The following LINGO2 variants were observed in gnomAD, a reference collection of about 807,000 sequenced individuals.
LINGO2 encodes leucine-rich repeat and immunoglobulin-like domain-containing nogo receptor-interacting protein 2.
LINGO2 carries 14 observed loss-of-function variants against 30.6 expected under a neutral mutation model. The observed-to-expected ratio is 0.46, with a 90% CI of 0.30 to 0.72. LINGO2 has a LOEUF of 0.72. Among genes scored for constraint, LINGO2 ranks in the 30% least tolerant of loss-of-function variants. The pLI is 0.07. For synonymous variants in LINGO2, 317 were observed against 288.5 expected, an observed-to-expected ratio of 1.10 and a Z score of -1.00; for missense variants, 729 against 751.7, an observed-to-expected ratio of 0.97 and a Z score of 0.35.
intron 5 of LINGO2, among the ~76,000 whole-genome samples, chr9:27,967,120 T>C (rs953486259): frequency 2.6e-5 from 4 of 152,174 alleles, no homozygotes; most frequent in African/African-American, 4.8e-5. Context: ...TCAGACAAGA[T>C]AGCTGTCTTA....
At chr9:28,146,690 G>A (rs1827822709) in intron 4 of LINGO2, among the ~76,000 whole-genome samples, 5 of 152,186 alleles carry the variant, frequency 3.3e-5, no homozygotes, top group Admixed American at 2.6e-4. Flanking sequence ...ACACCCAAGA[G>A]TATGTCCCTC....
chr9:28,725,592 C>A, the LINGO2 span, among the ~76,000 whole-genome samples: 2 of 149,004 alleles, frequency 1.3e-5, no homozygotes, highest in Non-Finnish European at 3.0e-5. Context: ...AAGAAAATGG[C>A]CTGTGACAAC....
chr9:29,150,020 G>T, the LINGO2 span, among the ~76,000 whole-genome samples: 3 of 152,144 alleles, frequency 2.0e-5, no homozygotes, highest in Non-Finnish European at 4.4e-5. Context: ...TGGTAAAGGG[G>T]TTGTATCTCC....
At chr9:28,933,513 A>G in the LINGO2 span, among the ~76,000 whole-genome samples, 4 of 68,624 alleles carry the variant, frequency 5.8e-5, no homozygotes, top group African/African-American at 1.9e-4. Context: ...GGAGAAGACA[A>G]TATAGAATAT....
At chr9:28,319,878 G>A (rs1824976520) in intron 3 of LINGO2, among the ~76,000 whole-genome samples, 1 of 152,066 alleles carries the variant, frequency 6.6e-6, no homozygotes. Context: ...CAAGAAAACT[G>A]ATTGAAAACA....
intron 1 of LINGO2, among the ~76,000 whole-genome samples, chr9:28,543,823 G>T (rs994859692): frequency 6.6e-6 from 1 of 151,994 alleles, no homozygotes. Context: ...AAAGGAGGGG[G>T]TTAGAAGGCA....
intron 4 of LINGO2, among the ~76,000 whole-genome samples, chr9:28,088,647 T>C (rs977021404): frequency 6.6e-5 from 10 of 152,134 alleles, no homozygotes; most frequent in African/African-American, 2.4e-4. Flanking sequence ...ATGAAGAAAC[T>C]GTATCAACTA....
rs71304830 is a variant in LINGO2, at chr9:28,003,386, T to TAG, written c.-36+8967_-36+8968dup. 3.0e-5 allele frequency among the ~76,000 whole-genome samples: 4 copies of TAG among 134,870 alleles called. No homozygotes were observed. The South Asian group carries it at 6.8e-4, about 23-fold the overall frequency. The allele number at this position is 134,870 out of a possible 152,430, so 88.5% of individuals were successfully genotyped here. ...AGATAGATAGATAGATAGATAGATA[T>TAG]AGAGAGAGAGAGAGTTAGAGAGTTC... On this transcript the variant is annotated intron_variant, in intron 5 of 5. Coordinates refer to ENST00000379992, the Ensembl canonical transcript of LINGO2.
At chr9:28,020,694 G>A (rs567262696) in intron 4 of LINGO2, among the ~76,000 whole-genome samples, 35 of 152,284 alleles carry the variant, frequency 2.3e-4, no homozygotes, top group African/African-American at 7.5e-4. Context: ...TTTTTTGAAA[G>A]GTAATTATTG....
At chr9:28,397,543 CT>C (rs386414751) in intron 2 of LINGO2, among the ~76,000 whole-genome samples, 2,349 of 109,986 alleles carry the variant, frequency 0.021, 18 homozygotes, top group East Asian at 0.15. Context: ...CAATAGATGT[CT>C]TTTTTTTTTT....
intron 1 of LINGO2, among the ~76,000 whole-genome samples, chr9:28,495,950 T>A (rs991891788): frequency 6.6e-6 from 1 of 152,156 alleles, no homozygotes; most frequent in African/African-American, 2.4e-5. Context: ...TTGTTCAGTT[T>A]CCATGTAGTT....
intron 4 of LINGO2, among the ~76,000 whole-genome samples, chr9:28,040,011 A>G (rs190074656): frequency 5.3e-5 from 8 of 152,270 alleles, no homozygotes; most frequent in South Asian, 2.1e-4. Context: ...GCTTGAGTCC[A>G]TGTGCTAATC....
chr9:28,359,011 T>C (rs1318935433), intron 3 of LINGO2, among the ~76,000 whole-genome samples: 3 of 152,096 alleles, frequency 2.0e-5, no homozygotes, highest in Admixed American at 6.6e-5. Flanking sequence ...ACCAGAGAGA[T>C]TGAGGAGAAT....
At chr9:28,553,146 G>C (rs1434804753) in intron 1 of LINGO2, among the ~76,000 whole-genome samples, 6 of 152,200 alleles carry the variant, frequency 3.9e-5, no homozygotes, top group Admixed American at 3.9e-4. Flanking sequence ...AAGCTGGATG[G>C]AGAATGACTT....
intron 1 of LINGO2, among the ~76,000 whole-genome samples, chr9:28,622,281 T>C (rs976050404): frequency 1.2e-4 from 18 of 152,046 alleles, no homozygotes; most frequent in African/African-American, 4.3e-4. Flanking sequence ...CTATTAACCA[T>C]CCCAACTTCC....
chr9:29,107,793 G>T, the LINGO2 span, among the ~76,000 whole-genome samples: 11 of 151,946 alleles, frequency 7.2e-5, no homozygotes, highest in African/African-American at 2.7e-4. Context: ...TCATTGCAAT[G>T]TCTCTCTTGA....
At chr9:28,544,955 A>T (rs1821865780) in intron 1 of LINGO2, among the ~76,000 whole-genome samples, 1 of 151,498 alleles carries the variant, frequency 6.6e-6, no homozygotes, top group Non-Finnish European at 1.5e-5. Context: ...ATATCTATAG[A>T]TTACTTATTT....
At chr9:29,029,902 C>T in the LINGO2 span, among the ~76,000 whole-genome samples, 55,255 of 151,320 alleles carry the variant, frequency 0.37, 10,180 homozygotes, top group East Asian at 0.48. Flanking sequence ...AGACATTCCA[C>T]GCTCATTTCA....
rs200102797 is a variant in LINGO2, at chr9:28,194,578, AAAT to A, written c.-87+100627_-87+100629del. The stretch of plus-strand genomic sequence containing the variant: ...CTCTATCCTAAAAAAAAAAAAAAAA[AAAT>A]GGCTAAATTCACTAATAACAAGGAA... On this transcript the variant is annotated intron_variant, in intron 4 of 5. Transcript: ENST00000379992. Among the ~76,000 whole-genome samples, 94 of 150,786 alleles carry A rather than the reference AAAT, an allele frequency of 6.2e-4. 1 individual carries two copies. The highest frequency in any genetic ancestry group is 1.8e-3 in the East Asian group (9 of 5,086).
Sources: gnomAD v4.1 joint callset for allele counts (sites outside exome capture counted in the v4.1 genomes callset) on GRCh38, gnomAD v4.1.1 for gene constraint, MANE v1.5 for transcripts, NCBI Gene and HGNC (gene_info 2026-07-23, HGNC 2026-07-21) for gene names.